Variants in ANKS1B observed in about 807,000 individuals in gnomAD.
The protein encoded by ANKS1B is ankyrin repeat and sterile alpha motif domain containing 1B.
In ANKS1B, 36 loss-of-function variants were observed where a neutral mutation model predicts 148.3. The observed-to-expected ratio is 0.24, with a 90% confidence interval of 0.19 to 0.32. The LOEUF (loss-of-function observed/expected upper bound fraction) is 0.32. Among genes scored for constraint, ANKS1B ranks in the 10% least tolerant of loss-of-function variants. The pLI is 1.00. For missense variants in ANKS1B, 1,157 were observed against 1,542.6 expected, an observed-to-expected ratio of 0.75 and a Z score of 4.19; for synonymous variants, 542 against 560.8, an observed-to-expected ratio of 0.97 and a Z score of 0.47.
chr12:99,505,644 GTA>G (rs200505663), intron 9 of ANKS1B, among the ~76,000 whole-genome samples: 1 of 147,228 alleles, frequency 6.8e-6, no homozygotes, highest in Non-Finnish European at 1.5e-5. Context: ...ATATATATAT[GTA>G]TATATATATA....
At chr12:98,998,663 A>G (rs1162045402) in intron 17 of ANKS1B, among the ~76,000 whole-genome samples, 2 of 152,212 alleles carry the variant, frequency 1.3e-5, no homozygotes, top group Non-Finnish European at 2.9e-5. Flanking sequence ...TGTAGCCTTC[A>G]TGTGTCTATG....
At chr12:99,718,152 T>G (rs11834819) in intron 8 of ANKS1B, among the ~76,000 whole-genome samples, 99,780 of 150,956 alleles carry the variant, frequency 0.66, 33,056 homozygotes, top group South Asian at 0.69. Flanking sequence ...CGCCCGCCTC[T>G]GCTTCCCAAA....
At chr12:98,927,747 T>C (rs965596136) in intron 17 of ANKS1B, among the ~76,000 whole-genome samples, 22 of 151,718 alleles carry the variant, frequency 1.5e-4, no homozygotes, top group Admixed American at 1.1e-3. Flanking sequence ...TTGTAATCTC[T>C]AAGGCAACCA....
rs528999040 is a variant in ANKS1B, at chr12:99,682,930, TA to T, written c.1129-27721del. ...CGAGAATGGGTAATTTATTAAAAAA[TA>T]AAAAAAAAGGTTTAATTGACTCACA... On this transcript the variant is annotated intron_variant, in intron 8 of 26. Coordinates refer to ENST00000683438, the MANE Select transcript of ANKS1B (RefSeq NM_001352186.2). Among the ~76,000 whole-genome samples the T allele has an allele frequency of 4.9e-3, 730 of 150,446 alleles. 4 individuals are homozygous for T. Among genetic ancestry groups the T allele is most frequent in the South Asian group, 8.0e-3 (38 of 4,722 alleles).
At chr12:98,771,668 G>T (rs747400869) in intron 25 of ANKS1B, among the ~76,000 whole-genome samples, 1 of 151,988 alleles carries the variant, frequency 6.6e-6, no homozygotes, top group Non-Finnish European at 1.5e-5. Flanking sequence ...TTGTAGAGAT[G>T]GGGTTTCATC....
At chr12:99,411,727 T>A (rs2094714749) in intron 11 of ANKS1B, among the ~76,000 whole-genome samples, 1 of 152,212 alleles carries the variant, frequency 6.6e-6, no homozygotes, top group Admixed American at 6.5e-5. Context: ...TGGGCTTGCA[T>A]TTTTGGACTC....
intron 17 of ANKS1B, among the ~76,000 whole-genome samples, chr12:98,909,746 A>C (rs2099784226): frequency 6.6e-6 from 1 of 152,228 alleles, no homozygotes; most frequent in Admixed American, 6.5e-5. Flanking sequence ...AAAAAGGGAA[A>C]GTGTACCAGC....
At chr12:99,358,215 T>C (rs1305937435) in intron 12 of ANKS1B, among the ~76,000 whole-genome samples, 1 of 152,124 alleles carries the variant, frequency 6.6e-6, no homozygotes, top group Admixed American at 6.5e-5. Flanking sequence ...GATTATTTTC[T>C]TTATAATTAG....
intron 12 of ANKS1B, among the ~76,000 whole-genome samples, chr12:99,385,418 A>G (rs2093819690): frequency 6.6e-6 from 1 of 152,184 alleles, no homozygotes; most frequent in Non-Finnish European, 1.5e-5. Flanking sequence ...GCAGTGAGCT[A>G]GGATTGTGCC....
chr12:99,593,943 G>GT (rs1364472342), intron 9 of ANKS1B, among the ~76,000 whole-genome samples: 21 of 151,920 alleles, frequency 1.4e-4, no homozygotes, highest in Admixed American at 3.9e-4. Context: ...CAAGCAGCTG[G>GT]TGCAGTGGGT....
intron 9 of ANKS1B, among the ~76,000 whole-genome samples, chr12:99,525,166 C>T (rs1596345132): frequency 6.6e-6 from 1 of 152,086 alleles, no homozygotes; most frequent in South Asian, 2.1e-4. Flanking sequence ...GAAACAAATG[C>T]AATAATATAC....
chr12:98,784,620 G>A (rs77955513), intron 22 of ANKS1B, among the ~76,000 whole-genome samples: 2,585 of 152,282 alleles, frequency 0.017, 62 homozygotes, highest in African/African-American at 0.058. Flanking sequence ...AACACAGTGA[G>A]CTGTGCAATG....
At chr12:99,568,497 T>C (rs2097420340) in intron 9 of ANKS1B, among the ~76,000 whole-genome samples, 1 of 152,206 alleles carries the variant, frequency 6.6e-6, no homozygotes, top group Non-Finnish European at 1.5e-5. Flanking sequence ...GGGGTCTCAT[T>C]TTGGTTATCA....
At chr12:99,406,917 T>G (rs2094544977) in intron 11 of ANKS1B, among the ~76,000 whole-genome samples, 1 of 145,796 alleles carries the variant, frequency 6.9e-6, no homozygotes, top group African/African-American at 2.6e-5. Context: ...GCCCAGGATC[T>G]GATGGCTTCA....
intron 10 of ANKS1B, among the ~76,000 whole-genome samples, chr12:99,493,734 T>C (rs772680376): frequency 6.6e-6 from 1 of 152,066 alleles, no homozygotes; most frequent in Admixed American, 6.5e-5. Flanking sequence ...GGGGGAAAGA[T>C]GTGGGAGTTT....
chr12:99,673,480 G>A (rs1308880727), intron 8 of ANKS1B, among the ~76,000 whole-genome samples: 2 of 151,956 alleles, frequency 1.3e-5, no homozygotes, highest in African/African-American at 2.4e-5. Flanking sequence ...AAAATATTAT[G>A]TTGACCTTAT....
intron 14 of ANKS1B, among the ~76,000 whole-genome samples, chr12:99,166,571 GT>G (rs1434681247): frequency 6.6e-6 from 1 of 151,954 alleles, no homozygotes; most frequent in Non-Finnish European, 1.5e-5. Context: ...GTCAAAAGAT[GT>G]GTCAAGACCA....
chr12:99,297,311 C>G (rs188803654), intron 12 of ANKS1B, among the ~76,000 whole-genome samples: 2 of 152,126 alleles, frequency 1.3e-5, no homozygotes, highest in African/African-American at 4.8e-5. Flanking sequence ...ATTTCTTGAG[C>G]CCTATCCATG....
At chr12:99,489,529 T>A (rs914770089) in intron 10 of ANKS1B, among the ~76,000 whole-genome samples, 6 of 152,180 alleles carry the variant, frequency 3.9e-5, no homozygotes, top group African/African-American at 1.4e-4. Context: ...AGTAATACAA[T>A]CCAACAGCAA....
Sources: allele counts gnomAD v4.1 joint callset (sites outside exome capture counted in the v4.1 genomes callset), GRCh38; gene constraint gnomAD v4.1.1; transcripts MANE v1.5; gene names NCBI Gene and HGNC (gene_info 2026-07-23, HGNC 2026-07-21).